C3: variants seen among roughly 807,000 people sequenced by gnomAD.
C3 encodes the protein complement C3.
A neutral mutation model predicts 207.9 loss-of-function variants in C3; 97 were observed. That is an observed-to-expected ratio of 0.47 (90% CI 0.40 to 0.55). The LOEUF is 0.55. Ranked by LOEUF, C3 falls within the 20% of genes least tolerant of loss-of-function variation. C3 has a pLI of 0.00. For missense variants in C3, 1,684 were observed against 2,171.7 expected (o/e 0.78, Z 4.46); for synonymous variants, 848 against 857.6 (o/e 0.99, Z 0.20).
In C3 at chr19:6,719,475, C is replaced by A; in HGVS notation, c.75-72G>T. On this transcript the variant is annotated intron_variant, in intron 1 of 40. Transcript: ENST00000245907. This position sits in a 1 kb window ranked among gnomAD's most constrained non-coding sequence, Gnocchi z 5.4. ...AGACGCCAGTCCTCACTGGAGTCAG[C>A]GCCTGGCAGGCTGTGTGCCCCAGCC... 7.1e-7 allele frequency: 1 copy of A among 1,407,638 alleles called. No homozygotes were observed. The highest frequency in any genetic ancestry group is 1.0e-6 in the Non-Finnish European group (1 of 1,002,818). 87.2% of individuals were successfully genotyped at this position (1,407,638 alleles called of 1,614,324 possible).
At chr19:6,697,954 C>T (rs1322615417) in intron 19 of C3, among the ~76,000 whole-genome samples, 160 bp from the exon 20 acceptor site, 1 of 151,868 alleles carries the variant, frequency 6.6e-6, no homozygotes, top group Non-Finnish European at 1.5e-5. Context: ...CGACAAATGA[C>T]AGATGATGAT....
intron 17 of C3, among the ~76,000 whole-genome samples, chr19:6,703,228 A>C (rs1967710929): frequency 6.6e-6 from 1 of 152,156 alleles, no homozygotes; most frequent in African/African-American, 2.4e-5. Context: ...AGAACTAAAA[A>C]TTATATCCCA....
Position 6,697,675 on chromosome 19 carries a change from A to T in C3, c.2560T>A (p.Tyr854Asn), listed in dbSNP as rs1241974617. The change falls in exon 20 of 41, where the codon TAC (tyrosine) becomes AAC (asparagine). Residue 854 changes from tyrosine to asparagine, a missense_variant. Physicochemically the swap from Tyr to Asn is moderately radical, Grantham distance 143. Transcript: ENST00000245907. ...ACCTTGAGCTCTTGGTTCTGCCGGT[A>T]ATTGTAGAGAACGGCTCGGATTTCC... Reference protein sequence around the residue: ...QVEIRAVLYNYRQNQELKVRV... With the variant: ...QVEIRAVLYNNRQNQELKVRV... The T allele has an allele frequency of 1.2e-6, 2 of 1,613,936 alleles. No homozygotes were observed. The highest frequency in any genetic ancestry group is 1.7e-6 in the Non-Finnish European group (2 of 1,180,008).
At chr19:6,709,892 G>T (rs1440426648) in intron 13 of C3, 50 bp from the exon 14 acceptor site, 1 of 1,599,938 alleles carries the variant, frequency 6.3e-7, no homozygotes, top group Non-Finnish European at 8.5e-7. Context: ...GGAGAGAGGA[G>T]TGCCTGGGAT....
chr19:6,684,457 A>G lies in C3; in HGVS notation c.4121-18T>C. 1 of 1,609,754 alleles carries G rather than the reference A, an allele frequency of 6.2e-7. No individual in the cohort carries two copies. The highest frequency in any genetic ancestry group is 2.2e-5 in the East Asian group (1 of 44,858). ...CCTCTTTTCTAGAAACACAGAAGAG[A>G]GAAAGATGGGAGAGGGTATACCTGT... On this transcript the variant is annotated intron_variant, in intron 32 of 40. Coordinates refer to ENST00000245907, the MANE Select transcript of C3 (RefSeq NM_000064.4).
At chr19:6,700,895 T>C (rs950784081) in intron 19 of C3, among the ~76,000 whole-genome samples, 14 of 150,162 alleles carry the variant, frequency 9.3e-5, no homozygotes, top group African/African-American at 3.2e-4. Flanking sequence ...ATATAAATTA[T>C]GGCTGGATGA....
Position 6,710,998 on chromosome 19 carries a change from A to C in C3, c.1468T>G (p.Tyr490Asp). 1 of 1,614,046 alleles carries C rather than the reference A, an allele frequency of 6.2e-7. No homozygotes were observed. Among genetic ancestry groups the C allele is most frequent in the Non-Finnish European group, 8.5e-7 (1 of 1,179,952 alleles). Residue 490 changes from tyrosine to aspartate, a missense_variant, in exon 12 of 41, where the codon TAC (tyrosine) becomes GAC (aspartate). This residue lies in a region of C3 where 1,280 missense variants were observed against 1,739.1 expected (regional missense o/e 0.74). Transcript: ENST00000245907. ...DRAHEAKIRY[Y>D]TYLIMNKGRL... ...AGGTGGCCACGGACCAGGTAGGTGT[A>C]GTAGCGGATCTTGGCCTCGTGGGCG...
rs1336968548 is a variant in C3 at position 6,692,912 on chromosome 19, C to T, written c.3390+12G>A. On this transcript the variant is annotated intron_variant, in intron 26 of 40. Transcript: ENST00000245907. Reference sequence around the variant, plus strand: ...CCTCTCTTCCATTTTGCCCTAAATCCCAGCCTCTTACAATCATTTCTTGGT... The same window carrying T: ...CCTCTCTTCCATTTTGCCCTAAATCTCAGCCTCTTACAATCATTTCTTGGT... 1 of 1,613,526 alleles carries T rather than the reference C, an allele frequency of 6.2e-7. No individual in the cohort carries two copies. The highest frequency in any genetic ancestry group is 1.7e-5 in the Admixed American group (1 of 59,994).
chr19:6,696,935 G>C (rs1049996843), intron 21 of C3, among the ~76,000 whole-genome samples: 3 of 150,258 alleles, frequency 2.0e-5, no homozygotes, highest in Non-Finnish European at 2.9e-5. Flanking sequence ...CCAGCTACTC[G>C]GGAGGCTGAG....
intron 32 of C3, 23 bp from the exon 33 acceptor site, chr19:6,684,462 G>T (rs996009062): frequency 1.9e-6 from 3 of 1,606,220 alleles, no homozygotes. Context: ...AAGAGAGAAA[G>T]ATGGGAGAGG....
chr19:6,689,969 G>A (rs420088), intron 27 of C3, among the ~76,000 whole-genome samples: 10,872 of 152,182 alleles, frequency 0.071, 1,196 homozygotes, highest in African/African-American at 0.24. Flanking sequence ...GCGACAGAGT[G>A]AGACTCCATC....
chr19:6,678,127 G>C (rs1917763858), intron 40 of C3, 25 bp downstream of exon 40: 1 of 1,614,134 alleles, frequency 6.2e-7, no homozygotes, highest in Non-Finnish European at 8.5e-7. Flanking sequence ...GGGCGGTCGC[G>C]CGCACGCGCA....
chr19:6,686,193 G>A lies in C3; in HGVS notation c.3741C>T (p.Asp1247=), dbSNP rs995035597. The change falls in exon 29 of 41, where the codon GAC becomes GAT. Residue 1247 remains aspartate, a synonymous_variant. Coordinates refer to ENST00000245907, the MANE Select transcript of C3 (RefSeq NM_000064.4). ...LLALLQLKDF[D]FVPPVVRWLN... ...GCCAACGCACGACGGGAGGCACAAA[G>A]TCAAAGTCTTTTAGCTGCAGTAGGG... 2.5e-6 allele frequency: 4 copies of A among 1,614,228 alleles called. No individual in the cohort carries two copies. Among genetic ancestry groups the A allele is most frequent in the South Asian group, 2.2e-5 (2 of 91,090 alleles).
At chr19:6,717,928 T>C (rs1968076279) in intron 4 of C3, 166 bp downstream of exon 4, 1 of 740,884 alleles carries the variant, frequency 1.3e-6, no homozygotes, top group Non-Finnish European at 2.4e-6. Context: ...GTGCATGTTG[T>C]GTGCTGTATG....
Position 6,682,305 on chromosome 19 carries a change from T to A in C3, c.4173-76A>T, listed in dbSNP as rs937404920. ...AAGGGTCTGTTCCTGGACAAGGAGG[T>A]CTGATCAGGCACTGAGACTTCTGAT... On this transcript the variant is annotated intron_variant, in intron 33 of 40. Coordinates refer to ENST00000245907, the MANE Select transcript of C3 (RefSeq NM_000064.4). The A allele has an allele frequency of 8.2e-6, 9 of 1,093,946 alleles. No individual in the cohort carries two copies. In the African/African-American group the frequency reaches 9.3e-5, roughly 11 times the overall value. The allele number at this position is 1,093,946 out of a possible 1,614,324, so 67.8% of individuals were successfully genotyped here.
In C3 at chr19:6,686,680, G is replaced by A. The variant is rs1397413012; in HGVS notation, c.3646+66C>T. On this transcript the variant is annotated intron_variant, in intron 28 of 40. Transcript: ENST00000245907. ...GCTCAGCTAAAAGCCATGCATCCCAGCTCAGTATCTCCCGCCCTGAACTTC... is the reference window on the plus strand; with the variant it reads ...GCTCAGCTAAAAGCCATGCATCCCAACTCAGTATCTCCCGCCCTGAACTTC... 10 of 1,529,392 alleles carry A rather than the reference G, an allele frequency of 6.5e-6. No individual in the cohort carries two copies. In the Admixed American group the frequency reaches 6.7e-5, roughly 10 times the overall value. 94.7% of individuals were successfully genotyped at this position (1,529,392 alleles called of 1,614,324 possible).
Position 6,693,085 on chromosome 19 carries a change from T to G in C3, c.3231-2A>C. The stretch of plus-strand genomic sequence containing the variant: ...ACCTTGACCACGTAGGCGGTCAGCC[T>G]GGAGTGGGCACAGAGCATGAGCCAA... On this transcript the variant is annotated splice_acceptor_variant, in intron 25 of 40. Coordinates refer to ENST00000245907, the MANE Select transcript of C3 (RefSeq NM_000064.4). LOFTEE classifies it high-confidence loss of function. The G allele has an allele frequency of 6.2e-7, 1 of 1,613,932 alleles. No individual in the cohort carries two copies. Among genetic ancestry groups the G allele is most frequent in the Non-Finnish European group, 8.5e-7 (1 of 1,179,990 alleles).
At chr19:6,718,974 A>G (rs1477990264) in intron 2 of C3, among the ~76,000 whole-genome samples, 2 of 28,308 alleles carry the variant, frequency 7.1e-5, no homozygotes, top group Non-Finnish European at 1.4e-4. Flanking sequence ...GAGGAGATTC[A>G]GAAGGGGTGG....
At chr19:6,715,207 G>C (rs2145433327) in intron 4 of C3, among the ~76,000 whole-genome samples, 1 of 152,270 alleles carries the variant, frequency 6.6e-6, no homozygotes, top group Middle Eastern at 3.4e-3. Context: ...GAGCGCAATG[G>C]CTCAAGCCTG....
Sources: gnomAD v4.1 joint callset for allele counts (sites outside exome capture counted in the v4.1 genomes callset) on GRCh38, gnomAD v4.1.1 for gene constraint, gnomAD v4.1.1 regional missense constraint, Gnocchi (gnomAD v3.1) non-coding constraint, MANE v1.5 for transcripts, NCBI Gene and HGNC (gene_info 2026-07-23, HGNC 2026-07-21) for gene names.